SRPK2: variants seen among roughly 807,000 people sequenced by gnomAD.
SRPK2 encodes the protein SFRS protein kinase 2.
Under a neutral mutation model 90.8 loss-of-function variants are expected in SRPK2, and 21 were observed. That is an observed-to-expected ratio of 0.23 (90% confidence interval 0.16 to 0.33). The LOEUF (loss-of-function observed/expected upper bound fraction) is 0.33, where lower values mean the gene tolerates loss of function less well. Ranked by LOEUF, SRPK2 falls within the 10% of genes least tolerant of loss-of-function variation. The pLI is 1.00. For synonymous variants in SRPK2, 288 were observed against 311.1 expected, an observed-to-expected ratio of 0.93 and a Z score of 0.78; for missense variants, 620 against 869.0, an observed-to-expected ratio of 0.71 and a Z score of 3.60.
chr7:105,300,210 G>A (rs1382017141), intron 2 of SRPK2, among the ~76,000 whole-genome samples: 3 of 132,700 alleles, frequency 2.3e-5, no homozygotes, highest in East Asian at 4.4e-4. Flanking sequence ...CCAAGATCAC[G>A]CCACTGCACT....
intron 9 of SRPK2, 184 bp from the exon 10 acceptor site, chr7:105,143,514 C>T (rs1804103303): frequency 1.4e-6 from 1 of 725,286 alleles, no homozygotes; most frequent in Non-Finnish European, 2.2e-6. Context: ...GAAAGCAGTG[C>T]TGACTGATAT....
chr7:105,139,920 G>C (rs888425247), intron 11 of SRPK2, among the ~76,000 whole-genome samples: 2 of 151,340 alleles, frequency 1.3e-5, no homozygotes, highest in African/African-American at 4.9e-5. Context: ...GTCTGCAGGG[G>C]AACTGGTTCC....
At chr7:105,377,621 T>A (rs1383888584) in intron 2 of SRPK2, among the ~76,000 whole-genome samples, 2 of 151,882 alleles carry the variant, frequency 1.3e-5, no homozygotes, top group Non-Finnish European at 1.5e-5. Context: ...TTGCTTGAAC[T>A]TGGGAGGCAG....
chr7:105,149,311 G>C (rs1805187443), intron 7 of SRPK2, among the ~76,000 whole-genome samples: 1 of 152,182 alleles, frequency 6.6e-6, no homozygotes, highest in Non-Finnish European at 1.5e-5. Flanking sequence ...TAAGATGTTT[G>C]GGTGGAGAGA....
At chr7:105,175,992 C>A (rs1351524467) in intron 3 of SRPK2, among the ~76,000 whole-genome samples, 2 of 152,084 alleles carry the variant, frequency 1.3e-5, no homozygotes, top group Non-Finnish European at 2.9e-5. Flanking sequence ...ATGAAGCCAG[C>A]ATTTTTTATT....
intron 2 of SRPK2, among the ~76,000 whole-genome samples, chr7:105,345,783 A>G (rs1012938916): frequency 6.6e-6 from 1 of 152,226 alleles, no homozygotes; most frequent in Non-Finnish European, 1.5e-5. Flanking sequence ...TGCTCTTTCC[A>G]TTATCATAGC....
chr7:105,214,965 C>G (rs1797276425), intron 2 of SRPK2, among the ~76,000 whole-genome samples: 1 of 152,170 alleles, frequency 6.6e-6, no homozygotes, highest in Non-Finnish European at 1.5e-5. Flanking sequence ...CTATAGTAAT[C>G]AAGACAATGT....
chr7:105,282,907 C>T (rs1287128597), intron 2 of SRPK2, among the ~76,000 whole-genome samples: 1 of 139,352 alleles, frequency 7.2e-6, no homozygotes, highest in Non-Finnish European at 1.6e-5. Flanking sequence ...AAAAAAAAAA[C>T]TAGCATCCAG....
intron 2 of SRPK2, among the ~76,000 whole-genome samples, chr7:105,335,382 G>A (rs1162453033): frequency 6.6e-6 from 1 of 152,096 alleles, no homozygotes; most frequent in Non-Finnish European, 1.5e-5. Context: ...ACCTTGGGCT[G>A]GATGTCGTGG....
chr7:105,173,155 C>T (rs1234260884), intron 3 of SRPK2, among the ~76,000 whole-genome samples: 1 of 151,996 alleles, frequency 6.6e-6, no homozygotes, highest in Admixed American at 6.6e-5. Flanking sequence ...GCTCTGTCAC[C>T]CAGGCTGGAG....
intron 2 of SRPK2, among the ~76,000 whole-genome samples, chr7:105,264,268 T>C (rs1804739546): frequency 6.6e-6 from 1 of 152,196 alleles, no homozygotes; most frequent in South Asian, 2.1e-4. Flanking sequence ...CAGGTATAGC[T>C]TTTTGCTCTC....
chr7:105,246,132 C>A lies in SRPK2; in HGVS notation c.72-42347G>T, dbSNP rs550434130. On this transcript the variant is annotated intron_variant, in intron 2 of 15. Transcript: ENST00000393651. ...GAACTTAATTCTATTCTTACATAGA[C>A]CTTACAAAATTTCTTGTTGCCTTCT... Among the ~76,000 whole-genome samples, 5 of 152,238 alleles carry A rather than the reference C, an allele frequency of 3.3e-5. No individual in the cohort carries two copies. The East Asian group carries it at 9.6e-4, about 29-fold the overall frequency.
intron 2 of SRPK2, chr7:105,301,627 G>A (rs1272983263): frequency 6.2e-7 from 1 of 1,610,080 alleles, no homozygotes; most frequent in Non-Finnish European, 8.5e-7. Context: ...ATATAGGATA[G>A]GTGAAAATGG....
chr7:105,306,912 C>T (rs1811210764), intron 2 of SRPK2, among the ~76,000 whole-genome samples: 1 of 152,164 alleles, frequency 6.6e-6, no homozygotes, highest in Admixed American at 6.5e-5. Context: ...GAGACTCACA[C>T]TTATGGAAAG....
upstream of SRPK2, among the ~76,000 whole-genome samples, chr7:105,391,468 G>C (rs762769511): frequency 6.6e-6 from 1 of 152,134 alleles, no homozygotes; most frequent in Non-Finnish European, 1.5e-5. Context: ...GCTTCCCAAA[G>C]TGCTGGGATT....
intron 2 of SRPK2, among the ~76,000 whole-genome samples, chr7:105,215,089 A>G (rs1797292115): frequency 6.6e-6 from 1 of 152,252 alleles, no homozygotes; most frequent in African/African-American, 2.4e-5. Flanking sequence ...CAATTGGGAA[A>G]GAATAGTCTG....
intron 2 of SRPK2, among the ~76,000 whole-genome samples, chr7:105,303,138 A>G (rs1810757839): frequency 6.6e-6 from 1 of 152,192 alleles, no homozygotes; most frequent in African/African-American, 2.4e-5. Context: ...GCAGCCATAA[A>G]AAAGGATGAG....
chr7:105,281,741 A>G lies in SRPK2; in HGVS notation c.72-77956T>C, dbSNP rs975679439. ...CAGCAAAAAGAATAAAATATTTACAAATAAATTCAACCAAGGAAGTACAAG... is the reference window on the plus strand; with the variant it reads ...CAGCAAAAAGAATAAAATATTTACAGATAAATTCAACCAAGGAAGTACAAG... On this transcript the variant is annotated intron_variant, in intron 2 of 15. Transcript: ENST00000393651. Among the ~76,000 whole-genome samples, 3 of 152,332 alleles carry G rather than the reference A, an allele frequency of 2.0e-5. No homozygotes were observed. In the South Asian group the frequency reaches 6.2e-4, roughly 32 times the overall value.
At chr7:105,141,041 T>G (rs1409441470) in intron 11 of SRPK2, among the ~76,000 whole-genome samples, 1 of 152,236 alleles carries the variant, frequency 6.6e-6, no homozygotes, top group East Asian at 1.9e-4. Context: ...TACCTCTCAC[T>G]ACTGCCCTTT....
Sources: allele counts gnomAD v4.1 joint callset (sites outside exome capture counted in the v4.1 genomes callset), GRCh38; gene constraint gnomAD v4.1.1; transcripts MANE v1.5; gene names NCBI Gene and HGNC (gene_info 2026-07-23, HGNC 2026-07-21).